The following BPGM variants were observed in gnomAD, a reference collection of about 807,000 sequenced individuals.
BPGM encodes 2,3-bisphosphoglycerate mutase, erythrocyte.
In BPGM, 15 loss-of-function variants were observed where a neutral mutation model predicts 21.6. The ratio of observed to expected loss-of-function variants is 0.70; its 90% CI spans 0.47 to 1.07. The LOEUF is 1.07. Ranked by LOEUF, BPGM falls within the 50% of genes least tolerant of loss-of-function variation. The pLI is 0.00. For synonymous variants in BPGM, 113 were observed against 116.2 expected (o/e 0.97, Z 0.18); for missense variants, 273 against 319.0 (o/e 0.86, Z 1.10).
intron 1 of BPGM, among the ~76,000 whole-genome samples, chr7:134,647,519 G>A (rs1340571891): frequency 6.6e-6 from 1 of 152,200 alleles, no homozygotes; most frequent in Non-Finnish European, 1.5e-5. Flanking sequence ...GGACGAGCTG[G>A]TATTACACTA....
chr7:134,674,064 C>T (rs1398391791), intron 2 of BPGM, among the ~76,000 whole-genome samples: 3 of 151,952 alleles, frequency 2.0e-5, no homozygotes. Context: ...AGGCGTCCAC[C>T]ACCACGCCTG....
At chr7:134,655,581 T>A (rs7811744) in intron 1 of BPGM, among the ~76,000 whole-genome samples, 1,650 of 152,298 alleles carry the variant, frequency 0.011, 35 homozygotes, top group African/African-American at 0.038. Flanking sequence ...TCCATGAACA[T>A]ACTAAACTTA....
rs1796027955 is a variant in BPGM at position 134,679,216 on chromosome 7, A to G, written c.*185A>G. On this transcript the variant is annotated 3_prime_UTR_variant, in exon 3 of 3. Transcript: ENST00000344924. ...TTTAGGATGCCTCAGTGCTTATGTC[A>G]TAGCCTTATGAGTTAGCTTTCTTGC... 4.6e-6 allele frequency: 3 copies of G among 651,588 alleles called. No homozygotes were observed. Among genetic ancestry groups the G allele is most frequent in the South Asian group, 3.9e-5 (2 of 50,680 alleles). 40.4% of individuals were successfully genotyped at this position (651,588 alleles called of 1,614,324 possible).
At chr7:134,668,745 A>G (rs1795857308) in intron 2 of BPGM, among the ~76,000 whole-genome samples, 1 of 152,228 alleles carries the variant, frequency 6.6e-6, no homozygotes, top group Admixed American at 6.5e-5. Context: ...CTGCTTTAGT[A>G]AAAAGAAGCA....
chr7:134,663,368 ATGTGTGTGTGTG>A (rs146657759), intron 2 of BPGM, among the ~76,000 whole-genome samples: 2 of 151,174 alleles, frequency 1.3e-5, no homozygotes, highest in Admixed American at 1.3e-4. Flanking sequence ...GGCACTTGAT[ATGTGTGTGTGTG>A]TGTGTTTGTG....
At chr7:134,660,283 A>G (rs1475404309) in intron 1 of BPGM, 4 of 152,462 alleles carry the variant, frequency 2.6e-5, no homozygotes, top group Admixed American at 1.3e-4. Flanking sequence ...TCTCCAGTTA[A>G]TGGAAGTTGC....
intron 2 of BPGM, among the ~76,000 whole-genome samples, chr7:134,671,048 CT>C (rs35100738): frequency 4.0e-5 from 6 of 151,276 alleles, no homozygotes; most frequent in African/African-American, 1.5e-4. Flanking sequence ...TTTAATTCTC[CT>C]TTTTTTTTCT....
intron 2 of BPGM, among the ~76,000 whole-genome samples, chr7:134,674,907 C>T (rs1056234034): frequency 4.6e-5 from 7 of 152,186 alleles, no homozygotes; most frequent in African/African-American, 1.7e-4. Flanking sequence ...AGTTTCTCCA[C>T]ATCCTTATTC....
intron 1 of BPGM, among the ~76,000 whole-genome samples, chr7:134,654,400 CATAG>C (rs1792904412): frequency 6.6e-6 from 1 of 152,126 alleles, no homozygotes; most frequent in Admixed American, 6.6e-5. Flanking sequence ...TGGTTCAGGG[CATAG>C]ATACAGACTT....
chr7:134,654,826 A>G (rs913672244), intron 1 of BPGM, among the ~76,000 whole-genome samples: 1 of 152,172 alleles, frequency 6.6e-6, no homozygotes, highest in Non-Finnish European at 1.5e-5. Context: ...CTTTTGAGGC[A>G]CCATTTCAGT....
At chr7:134,654,297 AG>A (rs375042416) in intron 1 of BPGM, among the ~76,000 whole-genome samples, 2 of 152,218 alleles carry the variant, frequency 1.3e-5, no homozygotes, top group African/African-American at 4.8e-5. Flanking sequence ...TCAATTTATG[AG>A]TCATCCATTT....
At chr7:134,671,042 AT>A (rs1259939857) in intron 2 of BPGM, among the ~76,000 whole-genome samples, 1 of 152,116 alleles carries the variant, frequency 6.6e-6, no homozygotes, top group Non-Finnish European at 1.5e-5. Context: ...GATTCTTTTA[AT>A]TCTCCTTTTT....
Position 134,661,740 on chromosome 7 carries a change from G to A in BPGM, c.233G>A (p.Trp78Ter), listed in dbSNP as rs754001223. The A allele has an allele frequency of 6.2e-7, 1 of 1,614,128 alleles. No homozygotes were observed. Among genetic ancestry groups the A allele is most frequent in the Non-Finnish European group, 8.5e-7 (1 of 1,180,024 alleles). The change falls in exon 2 of 3, where the codon TGG (tryptophan) becomes TAG (stop). Residue 78 changes from tryptophan (W) to a stop codon, truncating the protein, a stop_gained. Transcript: ENST00000344924. LOFTEE classifies it high-confidence loss of function. The surrounding 1 kb of genome is among the most constrained non-coding windows in gnomAD (Gnocchi z 4.6). The part of the protein sequence containing the change: ...WLILEELGQE[W>*]VPVESSWRLN... Reference sequence around the variant, plus strand: ...ATCCTGGAAGAGCTAGGCCAGGAATGGGTGCCTGTGGAAAGCTCCTGGCGT... The same window carrying A: ...ATCCTGGAAGAGCTAGGCCAGGAATAGGTGCCTGTGGAAAGCTCCTGGCGT...
chr7:134,666,947 A>AT (rs1254580854), intron 2 of BPGM, among the ~76,000 whole-genome samples: 1 of 152,136 alleles, frequency 6.6e-6, no homozygotes, highest in African/African-American at 2.4e-5. Flanking sequence ...ATTTAGTGAG[A>AT]TTTTAGCCCT....
At chr7:134,673,538 A>C (rs1270794054) in intron 2 of BPGM, among the ~76,000 whole-genome samples, 1 of 152,188 alleles carries the variant, frequency 6.6e-6, no homozygotes, top group Non-Finnish European at 1.5e-5. Flanking sequence ...ATGTATACCC[A>C]AGCCCCTTGC....
rs755254463 is a variant in BPGM, at chr7:134,662,125, C to A, written c.601+17C>A. The A allele has an allele frequency of 5.6e-6, 9 of 1,613,628 alleles. No individual in the cohort carries two copies. Among genetic ancestry groups the A allele is most frequent in the Non-Finnish European group, 7.6e-6 (9 of 1,179,950 alleles). On this transcript the variant is annotated intron_variant, in intron 2 of 2. Transcript: ENST00000344924. ...ACCTGGAAGGTACCAGCTTTATATACCACTTATTAGAGGTTGCCAAGTGTG... is the reference window on the plus strand; with the variant it reads ...ACCTGGAAGGTACCAGCTTTATATAACACTTATTAGAGGTTGCCAAGTGTG...
chr7:134,666,391 A>G (rs2131443354), intron 2 of BPGM, among the ~76,000 whole-genome samples: 1 of 152,240 alleles, frequency 6.6e-6, no homozygotes, highest in South Asian at 2.1e-4. Flanking sequence ...TCTATGAGAG[A>G]GGTAGAGAAT....
intron 2 of BPGM, among the ~76,000 whole-genome samples, chr7:134,677,580 T>A (rs1456273257): frequency 1.3e-5 from 2 of 152,198 alleles, no homozygotes; most frequent in African/African-American, 2.4e-5. Flanking sequence ...CAATGGCTAA[T>A]TAAAATGAAA....
intron 2 of BPGM, among the ~76,000 whole-genome samples, chr7:134,671,214 C>T (rs1325878641): frequency 1.3e-5 from 2 of 152,122 alleles, no homozygotes; most frequent in African/African-American, 2.4e-5. Context: ...AGGGATATAG[C>T]ACCTATATGT....
Sources: gnomAD v4.1 joint callset for allele counts (sites outside exome capture counted in the v4.1 genomes callset) on GRCh38, gnomAD v4.1.1 for gene constraint, Gnocchi (gnomAD v3.1) non-coding constraint, MANE v1.5 for transcripts, NCBI Gene and HGNC (gene_info 2026-07-23, HGNC 2026-07-21) for gene names.